GTF3C6: variants seen among roughly 807,000 people sequenced by gnomAD.
GTF3C6 encodes the protein general transcription factor IIIC subunit 6.
GTF3C6 carries 11 observed loss-of-function variants against 19.2 expected under a neutral mutation model. The observed-to-expected ratio is 0.57, with a 90% CI of 0.36 to 0.95. The LOEUF is 0.95. GTF3C6 is among the 40% of genes least tolerant of loss of function. The probability of loss-of-function intolerance (pLI) is 0.01; values close to 1 mark genes in which losing one functional copy is unlikely to be tolerated. For synonymous variants in GTF3C6, 87 were observed against 84.2 expected, an observed-to-expected ratio of 1.03 and a Z score of -0.18; for missense variants, 222 against 254.7, an observed-to-expected ratio of 0.87 and a Z score of 0.87.
intron 3 of GTF3C6, 24 bp from the exon 4 acceptor site, chr6:110,960,548 A>C: frequency 1.2e-6 from 2 of 1,613,024 alleles, no homozygotes; most frequent in South Asian, 1.1e-5. Flanking sequence ...CTTCTCAACA[A>C]TTTGCCTTTG....
chr6:110,964,888 A>C (rs1392678247), intron 5 of GTF3C6, among the ~76,000 whole-genome samples: 2 of 149,172 alleles, frequency 1.3e-5, no homozygotes, highest in Admixed American at 6.8e-5. Flanking sequence ...GCTGGAGTAC[A>C]GTAGTGCGAT....
In GTF3C6 at chr6:110,967,853, A is replaced by G. The variant is rs538155247; in HGVS notation, c.*63A>G. ...GTCAAGAACTTTTTAGAGTTGTTACATAAAAATAATTGCTGTGTAGCTTTC... is the reference window on the plus strand; with the variant it reads ...GTCAAGAACTTTTTAGAGTTGTTACGTAAAAATAATTGCTGTGTAGCTTTC... On this transcript the variant is annotated 3_prime_UTR_variant, in exon 6 of 6. Coordinates refer to ENST00000329970, the MANE Select transcript of GTF3C6 (RefSeq NM_138408.4). 7.3e-7 allele frequency: 1 copy of G among 1,363,854 alleles called. No individual in the cohort carries two copies. The highest frequency in any genetic ancestry group is 1.0e-6 in the Non-Finnish European group (1 of 991,840). The allele number at this position is 1,363,854 out of a possible 1,614,324, so 84.5% of individuals were successfully genotyped here. A position where few individuals can be genotyped will look rare whatever the true frequency, so the allele number is the denominator to read the frequency against.
chr6:110,959,058 C>T (rs1038945961), intron 1 of GTF3C6, 114 bp from the exon 2 acceptor site: 21 of 897,636 alleles, frequency 2.3e-5, no homozygotes, highest in Non-Finnish European at 3.7e-5. Context: ...GTAGTTTCCT[C>T]TTGCTGAAAA....
At chr6:110,962,107 T>G (rs1771168499) in intron 4 of GTF3C6, among the ~76,000 whole-genome samples, 1 of 152,056 alleles carries the variant, frequency 6.6e-6, no homozygotes, top group Admixed American at 6.6e-5. Flanking sequence ...TTTCATCATG[T>G]TGGCCAGGCT....
intron 1 of GTF3C6, 67 bp downstream of exon 1, chr6:110,958,893 G>A: frequency 6.6e-7 from 1 of 1,504,552 alleles, no homozygotes; most frequent in South Asian, 1.2e-5. Context: ...TGTGTGTGGG[G>A]AAGGGAGTTG....
chr6:110,961,883 T>A (rs1230073530), intron 4 of GTF3C6, among the ~76,000 whole-genome samples: 1 of 151,684 alleles, frequency 6.6e-6, no homozygotes, highest in Non-Finnish European at 1.5e-5. Flanking sequence ...TTGAATCCAG[T>A]TGTGCTTTCA....
chr6:110,966,026 T>C (rs1393860712), intron 5 of GTF3C6, among the ~76,000 whole-genome samples: 3 of 152,180 alleles, frequency 2.0e-5, no homozygotes, highest in South Asian at 2.1e-4. Flanking sequence ...AAATTTGTTT[T>C]GGTTGTTGGC....
At chr6:110,960,805 C>T (rs1297734721) in intron 4 of GTF3C6, among the ~76,000 whole-genome samples, 189 bp downstream of exon 4, 2 of 151,710 alleles carry the variant, frequency 1.3e-5, no homozygotes, top group East Asian at 3.9e-4. Context: ...AATCCCAGCA[C>T]TTTGGGAGGC....
intron 4 of GTF3C6, among the ~76,000 whole-genome samples, chr6:110,961,717 G>A (rs1482928694): frequency 1.3e-5 from 2 of 152,092 alleles, no homozygotes; most frequent in Non-Finnish European, 2.9e-5. Context: ...GTCTGACTTT[G>A]GTCCTTAATT....
chr6:110,964,884 G>C (rs2114259740), intron 5 of GTF3C6, among the ~76,000 whole-genome samples: 1 of 150,060 alleles, frequency 6.7e-6, no homozygotes, highest in South Asian at 2.1e-4. Flanking sequence ...CCAGGCTGGA[G>C]TACAGTAGTG....
chr6:110,959,850 G>A (rs893394932), intron 2 of GTF3C6, among the ~76,000 whole-genome samples: 13 of 152,156 alleles, frequency 8.5e-5, no homozygotes, highest in African/African-American at 3.1e-4. Flanking sequence ...CCAGCTACTC[G>A]GGAGGCCGAG....
chr6:110,964,399 C>T (rs1470126918), intron 5 of GTF3C6, among the ~76,000 whole-genome samples: 1 of 151,918 alleles, frequency 6.6e-6, no homozygotes, highest in Non-Finnish European at 1.5e-5. Flanking sequence ...CGCATGCCAC[C>T]ATGCCCAGCT....
chr6:110,958,990 G>C, intron 1 of GTF3C6, 164 bp downstream of exon 1: 1 of 876,498 alleles, frequency 1.1e-6, no homozygotes, highest in Non-Finnish European at 1.8e-6. Context: ...TGGGACCTTA[G>C]CCCTAATCGT....
At position 110,959,158 on chromosome 6, in the gene GTF3C6, C is replaced by G; in HGVS notation, c.58-14C>G. 1 of 1,592,566 alleles carries G rather than the reference C, an allele frequency of 6.3e-7. No individual in the cohort carries two copies. Among genetic ancestry groups the G allele is most frequent in the Non-Finnish European group, 8.6e-7 (1 of 1,160,534 alleles). On this transcript the variant is annotated splice_polypyrimidine_tract_variant and intron_variant, in intron 1 of 5. Coordinates refer to ENST00000329970, the MANE Select transcript of GTF3C6 (RefSeq NM_138408.4). ...CTCGCGTGCTAGCATGTTAACCCCTCTTTCTTTCACCAGGAGCAGTTGGTT... is the reference window on the plus strand; with the variant it reads ...CTCGCGTGCTAGCATGTTAACCCCTGTTTCTTTCACCAGGAGCAGTTGGTT...
chr6:110,965,199 C>G (rs1328429397), intron 5 of GTF3C6, among the ~76,000 whole-genome samples: 1 of 145,228 alleles, frequency 6.9e-6, no homozygotes, highest in African/African-American at 2.5e-5. Flanking sequence ...TGGTCTCAAA[C>G]TCCTGGGCTC....
rs1452547780 is a variant in GTF3C6 at position 110,967,707 on chromosome 6, G to A, written c.559G>A (p.Glu187Lys). 1 of 1,614,030 alleles carries A rather than the reference G, an allele frequency of 6.2e-7. No individual in the cohort carries two copies. Among genetic ancestry groups the A allele is most frequent in the South Asian group, 1.1e-5 (1 of 91,068 alleles). The change falls in exon 6 of 6, where the codon GAA becomes AAA. Residue 187 changes from glutamate to lysine, a missense_variant. Physicochemically the swap from Glu to Lys is moderately conservative, Grantham distance 56. Transcript: ENST00000329970. ...SCEQEKPMHL[E>K]IEDSGPLIDI... ...TGAACAGGAGAAACCAATGCACTTG[G>A]AAATAGAAGATTCTGGTCCTCTTAT...
intron 5 of GTF3C6, among the ~76,000 whole-genome samples, chr6:110,964,434 A>G (rs1429924776): frequency 1.3e-5 from 2 of 151,570 alleles, no homozygotes; most frequent in East Asian, 2.0e-4. Flanking sequence ...TAGTAGAGAC[A>G]GGGTTTCACC....
At chr6:110,964,826 G>T (rs1771209725) in intron 5 of GTF3C6, among the ~76,000 whole-genome samples, 2 of 142,020 alleles carry the variant, frequency 1.4e-5, no homozygotes, top group African/African-American at 5.3e-5. Flanking sequence ...TAGAGACGGA[G>T]TTTTTTTTCT....
Position 110,961,812 on chromosome 6 carries a change from C to T in GTF3C6, c.248-580C>T, listed in dbSNP as rs1771163948. Among the ~76,000 whole-genome samples, 4 of 152,182 alleles carry T rather than the reference C, an allele frequency of 2.6e-5. No homozygotes were observed. The South Asian group carries it at 8.3e-4, about 31-fold the overall frequency. On this transcript the variant is annotated intron_variant, in intron 4 of 5. Coordinates refer to ENST00000329970, the MANE Select transcript of GTF3C6 (RefSeq NM_138408.4). ...CATTTCAAGGATGAAGCCTGTTAGA[C>T]CTATGGGTTTAATCTCACTCATAAC... is the stretch of plus-strand genomic sequence containing the variant.
Sources: gnomAD v4.1 joint callset for allele counts (sites outside exome capture counted in the v4.1 genomes callset) on GRCh38, gnomAD v4.1.1 for gene constraint, MANE v1.5 for transcripts, NCBI Gene and HGNC (gene_info 2026-07-23, HGNC 2026-07-21) for gene names.